The following MAP4 variants were observed in gnomAD, a reference collection of about 807,000 sequenced individuals.
MAP4 encodes the protein microtubule-associated protein 4.
Under a neutral mutation model 170.2 loss-of-function variants are expected in MAP4, and 76 were observed. That is an observed-to-expected ratio of 0.45 (90% CI 0.37 to 0.54). The LOEUF (loss-of-function observed/expected upper bound fraction) is 0.54. MAP4 is among the 20% of genes least tolerant of loss of function. The pLI is 0.00. For synonymous variants in MAP4, 909 were observed against 994.5 expected, an observed-to-expected ratio of 0.91 and a Z score of 1.62; for missense variants, 2,506 against 2,748.0, an observed-to-expected ratio of 0.91 and a Z score of 1.97.
chr3:47,947,004 A>T (rs184675062), intron 3 of MAP4, among the ~76,000 whole-genome samples: 1 of 152,318 alleles, frequency 6.6e-6, no homozygotes, highest in Admixed American at 6.5e-5. Flanking sequence ...ATGGCTTCAA[A>T]CCCATTCTAC....
chr3:48,002,559 C>T (rs1350944492), intron 1 of MAP4, among the ~76,000 whole-genome samples: 2 of 144,542 alleles, frequency 1.4e-5, no homozygotes, highest in Non-Finnish European at 3.0e-5. Context: ...CAGAGTGAGA[C>T]CCTGTCTCAA....
chr3:47,996,999 T>C (rs2100096105), intron 2 of MAP4, among the ~76,000 whole-genome samples: 1 of 152,040 alleles, frequency 6.6e-6, no homozygotes, highest in Non-Finnish European at 1.5e-5. Context: ...AAGCTCATCA[T>C]TAGATTCAAC....
rs544791197 is a variant in MAP4 at position 48,068,851 on chromosome 3, A to G, written c.-20+19922T>C. Among the ~76,000 whole-genome samples, 33 of 152,346 alleles carry G rather than the reference A, an allele frequency of 2.2e-4. No individual in the cohort carries two copies. The South Asian group carries it at 6.0e-3, about 28-fold the overall frequency. On this transcript the variant is annotated intron_variant, in intron 1 of 18. Transcript: ENST00000360240. Reference sequence around the variant, plus strand: ...GACATTCATTTAAATCCACTTAGTCATTCATACCTATGCACAATATGTATA... The same window carrying G: ...GACATTCATTTAAATCCACTTAGTCGTTCATACCTATGCACAATATGTATA...
At position 47,914,694 on chromosome 3, in the gene MAP4, T is replaced by G. The variant is rs563636534; in HGVS notation, c.1999+123A>C. The G allele has an allele frequency of 6.1e-6, 7 of 1,150,380 alleles. No homozygotes were observed. In the Admixed American group the frequency reaches 1.3e-4, roughly 21 times the overall value. The allele number at this position is 1,150,380 out of a possible 1,614,324, so 71.3% of individuals were successfully genotyped here. ...ACCAGATAAAATCTGTCTAAGAGAA[T>G]TGACTTCATAAACTATACTGCTGAT... On this transcript the variant is annotated intron_variant, in intron 8 of 20. Coordinates refer to ENST00000683076, the MANE Select transcript of MAP4 (RefSeq NM_001385682.1).
Position 47,909,434 on chromosome 3 carries a change from G to T in MAP4, c.4987C>A (p.Pro1663Thr). ...TTCAATTTATCATTTTCACTTTTTG[G>T]AGACAAAAGAGTCAGATCTACCTTC... ...NKKVDLTLLS[P>T]KSENDKLKEI... Residue 1663 changes from proline to threonine, a missense_variant, in exon 9 of 21, where the codon CCA becomes ACA. Coordinates refer to ENST00000683076, the MANE Select transcript of MAP4 (RefSeq NM_001385682.1). The T allele has an allele frequency of 6.2e-7, 1 of 1,613,326 alleles. No homozygotes were observed. Among genetic ancestry groups the T allele is most frequent in the Non-Finnish European group, 8.5e-7 (1 of 1,179,530 alleles).
At chr3:48,060,721 C>T (rs1272005199) in intron 1 of MAP4, among the ~76,000 whole-genome samples, 1 of 151,156 alleles carries the variant, frequency 6.6e-6, no homozygotes, top group African/African-American at 2.4e-5. Flanking sequence ...CAAGACCAGC[C>T]TGGGCAACGT....
chr3:47,955,539 C>A (rs1035368167), intron 3 of MAP4, among the ~76,000 whole-genome samples: 5 of 151,204 alleles, frequency 3.3e-5, no homozygotes, highest in Admixed American at 3.3e-4. Context: ...GTAGCAAATA[C>A]GTTAGATGCT....
chr3:47,903,155 A>T, intron 9 of MAP4, among the ~76,000 whole-genome samples, 155 bp from the exon 10 acceptor site: 1 of 152,128 alleles, frequency 6.6e-6, no homozygotes, highest in East Asian at 1.9e-4. Context: ...CAGGGGAACA[A>T]CTAACATGGA....
At chr3:47,898,115 T>C (rs2100028002) in intron 10 of MAP4, among the ~76,000 whole-genome samples, 1 of 152,200 alleles carries the variant, frequency 6.6e-6, no homozygotes, top group South Asian at 2.1e-4. Context: ...TCCTTTCATG[T>C]GGCTTCTGAG....
chr3:48,056,886 A>G (rs1579644337), intron 1 of MAP4, among the ~76,000 whole-genome samples: 1 of 106,468 alleles, frequency 9.4e-6, no homozygotes, highest in Non-Finnish European at 1.9e-5. Context: ...CCCGTCCGGG[A>G]GGTGAGGGGC....
At chr3:48,028,029 C>A (rs569834658) in intron 1 of MAP4, among the ~76,000 whole-genome samples, 1 of 152,168 alleles carries the variant, frequency 6.6e-6, no homozygotes, top group Non-Finnish European at 1.5e-5. Flanking sequence ...CTGTGGCTCA[C>A]GCCTGTAATC....
chr3:48,056,329 C>T (rs2100131526), intron 1 of MAP4, among the ~76,000 whole-genome samples: 3 of 92,942 alleles, frequency 3.2e-5, no homozygotes, highest in Non-Finnish European at 4.7e-5. Context: ...TGCCCGGCCG[C>T]CCCTACTGGG....
chr3:48,059,947 T>C (rs1019419026), intron 1 of MAP4, among the ~76,000 whole-genome samples: 4 of 148,722 alleles, frequency 2.7e-5, no homozygotes, highest in African/African-American at 9.9e-5. Flanking sequence ...CACTCTGGCC[T>C]GGGCCACAGA....
At chr3:48,087,696 C>T (rs1280852534) in intron 1 of MAP4, among the ~76,000 whole-genome samples, 2 of 151,358 alleles carry the variant, frequency 1.3e-5, no homozygotes, top group East Asian at 3.9e-4. Flanking sequence ...GCGGGAGACG[C>T]GCGCGCGCGC....
chr3:47,865,868 C>T (rs2078622366), intron 17 of MAP4, among the ~76,000 whole-genome samples: 1 of 152,198 alleles, frequency 6.6e-6, no homozygotes, highest in Non-Finnish European at 1.5e-5. Context: ...GGAAAGCACA[C>T]AGGGTGTTCT....
At chr3:48,028,969 C>T (rs1011172871) in intron 1 of MAP4, among the ~76,000 whole-genome samples, 1 of 151,562 alleles carries the variant, frequency 6.6e-6, no homozygotes, top group Non-Finnish European at 1.5e-5. Context: ...ATGGTGAACC[C>T]CTGCCTCGAT....
intron 3 of MAP4, among the ~76,000 whole-genome samples, chr3:47,943,954 T>C (rs1342280215): frequency 6.6e-6 from 1 of 152,008 alleles, no homozygotes. Flanking sequence ...CAACACTTGA[T>C]TTATTATCAT....
At chr3:47,924,508 C>T (rs2100044710) in intron 4 of MAP4, among the ~76,000 whole-genome samples, 1 of 151,964 alleles carries the variant, frequency 6.6e-6, no homozygotes, top group Non-Finnish European at 1.5e-5. Flanking sequence ...TCATCCTGGA[C>T]CTCCTCTTTT....
chr3:48,020,061 T>A (rs2100109812), upstream of MAP4, among the ~76,000 whole-genome samples: 1 of 152,194 alleles, frequency 6.6e-6, no homozygotes, highest in South Asian at 2.1e-4. Flanking sequence ...GATTTTTGTA[T>A]TTTTAGTAGA....
Sources: allele counts gnomAD v4.1 joint callset (sites outside exome capture counted in the v4.1 genomes callset), GRCh38; gene constraint gnomAD v4.1.1; transcripts MANE v1.5; gene names NCBI Gene and HGNC (gene_info 2026-07-23, HGNC 2026-07-21).